DMD: variants seen among roughly 807,000 people sequenced by gnomAD.
DMD encodes the protein dystrophin.
Under a neutral mutation model 330.1 loss-of-function variants are expected in DMD, and 63 were observed. That is an observed-to-expected ratio of 0.19 (90% CI 0.16 to 0.24). DMD has a LOEUF of 0.24. DMD is among the 10% of genes least tolerant of loss of function. The probability of loss-of-function intolerance (pLI) is 1.00; values close to 1 mark genes in which losing one functional copy is unlikely to be tolerated. For synonymous variants in DMD, 1,223 were observed against 959.8 expected (o/e 1.27, Z -5.07); for missense variants, 3,344 against 2,684.1 (o/e 1.25, Z -5.43).
intron 1 of DMD, among the ~76,000 whole-genome samples, chrX:33,071,923 A>G (rs773932841): frequency 1.8e-5 from 2 of 112,178 alleles, no homozygotes; most frequent in Admixed American, 1.9e-4. Flanking sequence ...CTATTTTTCA[A>G]TTAAGTTATA....
intron 64 of DMD, among the ~76,000 whole-genome samples, chrX:31,211,304 C>T (rs1450361264): frequency 2.7e-5 from 3 of 111,931 alleles, no homozygotes; most frequent in African/African-American, 9.8e-5. Context: ...TTGTTTTCCT[C>T]AGAGGGCACA....
intron 1 of DMD, among the ~76,000 whole-genome samples, chrX:33,069,537 G>A (rs1372580592): frequency 9.0e-6 from 1 of 111,276 alleles, no homozygotes; most frequent in African/African-American, 3.3e-5. Context: ...ATTCTATAAT[G>A]AGCAATTATA....
chrX:32,007,871 T>A (rs143863487), intron 44 of DMD, among the ~76,000 whole-genome samples: 3,804 of 111,728 alleles, frequency 0.034, 65 homozygotes, highest in Non-Finnish European at 0.054. Flanking sequence ...AAGTCTTTAA[T>A]CTAAATGGAT....
intron 2 of DMD, among the ~76,000 whole-genome samples, chrX:33,009,582 ATG>A (rs1319637508): frequency 1.6e-5 from 1 of 61,218 alleles, no homozygotes; most frequent in Non-Finnish European, 3.4e-5. Context: ...ATATACACAT[ATG>A]TGTGTATGTG....
intron 56 of DMD, among the ~76,000 whole-genome samples, chrX:31,497,958 C>A (rs1228512581): frequency 8.9e-6 from 1 of 112,229 alleles, no homozygotes; most frequent in African/African-American, 3.2e-5. Context: ...CCAGGTGGAG[C>A]AACATTTCCC....
chrX:31,152,267 G>A (rs1410572699), intron 74 of DMD, among the ~76,000 whole-genome samples: 1 of 107,451 alleles, frequency 9.3e-6, no homozygotes, highest in Non-Finnish European at 1.9e-5. Context: ...GGGTTCAAGC[G>A]ACTCTCCTGC....
chrX:32,197,929 TTA>T (rs2097014370), intron 44 of DMD, among the ~76,000 whole-genome samples: 1 of 111,530 alleles, frequency 9.0e-6, no homozygotes, highest in Non-Finnish European at 1.9e-5. Flanking sequence ...TCTCATGAAC[TTA>T]TGTCTCCTAT....
At position 32,455,262 on chromosome X, in the gene DMD, C is replaced by A. The variant is rs192706828; in HGVS notation, c.3433-430G>T. ...CTTCATAATCATGTATCTACAGAAA[C>A]TCTCATAAATTAAAAAGAAAAAACG... On this transcript the variant is annotated intron_variant, in intron 25 of 78. Coordinates refer to ENST00000357033, the MANE Select transcript of DMD (RefSeq NM_004006.3). 3.9e-3 allele frequency among the ~76,000 whole-genome samples: 429 copies of A among 111,158 alleles called. 4 individuals are homozygous for A. The highest frequency in any genetic ancestry group is 0.013 in the African/African-American group (388 of 30,811).
intron 51 of DMD, among the ~76,000 whole-genome samples, chrX:31,736,966 A>G (rs1028472389): frequency 4.5e-5 from 5 of 112,035 alleles, no homozygotes; most frequent in African/African-American, 1.3e-4. Flanking sequence ...AATAGAGTTA[A>G]TATTTGTAAG....
At chrX:32,997,276 G>T (rs1398334407) in intron 2 of DMD, among the ~76,000 whole-genome samples, 2 of 105,224 alleles carry the variant, frequency 1.9e-5, no homozygotes, top group Non-Finnish European at 3.9e-5. Flanking sequence ...ATGGAGTCTC[G>T]CCCTGTGCAC....
At chrX:31,604,943 T>C (rs775379259) in intron 55 of DMD, among the ~76,000 whole-genome samples, 5 of 112,220 alleles carry the variant, frequency 4.5e-5, no homozygotes, top group Admixed American at 9.5e-5. Context: ...AATTGCTTAA[T>C]TGAGTATATA....
intron 9 of DMD, among the ~76,000 whole-genome samples, chrX:32,656,397 C>A (rs897538224): frequency 1.8e-5 from 2 of 111,653 alleles, no homozygotes; most frequent in African/African-American, 6.5e-5. Flanking sequence ...CTCCCATCTA[C>A]ACAACATTTA....
intron 2 of DMD, among the ~76,000 whole-genome samples, chrX:32,941,072 G>T (rs988692347): frequency 8.9e-6 from 1 of 111,855 alleles, no homozygotes; most frequent in South Asian, 3.7e-4. Context: ...TTAATTGTCA[G>T]AGAAATGCAA....
intron 55 of DMD, among the ~76,000 whole-genome samples, chrX:31,530,176 C>T (rs2073619064): frequency 8.9e-6 from 1 of 111,946 alleles, no homozygotes. Flanking sequence ...CTAGACATTT[C>T]TAACTGTATC....
At chrX:33,108,847 C>A (rs1285098783) in intron 1 of DMD, among the ~76,000 whole-genome samples, 1 of 25,900 alleles carries the variant, frequency 3.9e-5, no homozygotes, top group African/African-American at 1.0e-4. Context: ...GCCTGGGCAA[C>A]AAGAGTGAAA....
At chrX:32,240,328 T>C (rs1472853101) in intron 43 of DMD, among the ~76,000 whole-genome samples, 2 of 111,208 alleles carry the variant, frequency 1.8e-5, no homozygotes. Flanking sequence ...GGTAATTAGG[T>C]CATAAGGCCA....
chrX:31,761,748 G>GT (rs1322726879), intron 51 of DMD, among the ~76,000 whole-genome samples: 1 of 112,260 alleles, frequency 8.9e-6, no homozygotes, highest in Non-Finnish European at 1.9e-5. Context: ...GAATAATAGA[G>GT]TTTTTTCTCC....
chrX:32,325,894 C>G (rs2097648503), intron 41 of DMD, among the ~76,000 whole-genome samples: 1 of 107,484 alleles, frequency 9.3e-6, no homozygotes, highest in Admixed American at 1.0e-4. Context: ...AACTACACTT[C>G]CCAGGTTCAA....
intron 62 of DMD, among the ~76,000 whole-genome samples, chrX:31,292,006 G>T (rs2053736727): frequency 9.0e-6 from 1 of 111,128 alleles, no homozygotes; most frequent in Admixed American, 9.7e-5. Context: ...TTAAAAAATA[G>T]TAAGTTTCTA....
Sources: gnomAD v4.1 joint callset for allele counts (sites outside exome capture counted in the v4.1 genomes callset) on GRCh38, gnomAD v4.1.1 for gene constraint, MANE v1.5 for transcripts, NCBI Gene and HGNC (gene_info 2026-07-23, HGNC 2026-07-21) for gene names.